Variants in CFAP44 observed in about 807,000 individuals in gnomAD.
CFAP44 encodes cilia- and flagella-associated protein 44.
In CFAP44, 134 loss-of-function variants were observed where a neutral mutation model predicts 216.2. That is an observed-to-expected ratio of 0.62 (90% CI 0.54 to 0.72). The LOEUF (loss-of-function observed/expected upper bound fraction) is 0.72. Ranked by LOEUF, CFAP44 falls within the 30% of genes least tolerant of loss-of-function variation. The pLI, the probability that CFAP44 is intolerant of heterozygous loss-of-function variation, is 0.00. For missense variants in CFAP44, 2,035 were observed against 2,182.1 expected, an observed-to-expected ratio of 0.93 and a Z score of 1.34; for synonymous variants, 700 against 727.6, an observed-to-expected ratio of 0.96 and a Z score of 0.61.
rs924710708 is a variant in CFAP44 at position 113,399,914 on chromosome 3, G to T, written c.1561C>A (p.Pro521Thr). ...TATAACAACAAACTTACCATTCGGGGTACCCAAACAAGGGCAGTACCTCCT... is the reference window on the plus strand; with the variant it reads ...TATAACAACAAACTTACCATTCGGGTTACCCAAACAAGGGCAGTACCTCCT... ...KQGGTALVWV[P>T]RMVNFTGAQI... The change falls in exon 13 of 35, where the codon CCC becomes ACC. Residue 521 changes from proline to threonine, a missense_variant. Coordinates refer to ENST00000393845, the MANE Select transcript of CFAP44 (RefSeq NM_001164496.2). The T allele has an allele frequency of 8.9e-6, 14 of 1,579,400 alleles. No individual in the cohort carries two copies. Among genetic ancestry groups the T allele is most frequent in the Non-Finnish European group, 1.1e-5 (13 of 1,166,868 alleles).
In CFAP44 at chr3:113,353,089, C is replaced by T. The variant is rs145505315; in HGVS notation, c.3065+5656G>A. ...GAACCCTGACTCAAAGGAGGATGGG[C>T]AAGTGGGTCCCAGAGCTGTGGGCAC... On this transcript the variant is annotated intron_variant, in intron 22 of 34. Transcript: ENST00000393845. Among the ~76,000 whole-genome samples the T allele has an allele frequency of 4.6e-3, 707 of 152,202 alleles. 3 individuals are homozygous for T. The highest frequency in any genetic ancestry group is 0.012 in the Admixed American group (180 of 15,302).
At chr3:113,368,402 C>G (rs967274171) in intron 18 of CFAP44, among the ~76,000 whole-genome samples, 1 of 152,206 alleles carries the variant, frequency 6.6e-6, no homozygotes, top group Non-Finnish European at 1.5e-5. Context: ...TCGGCAGAAA[C>G]CCTACAAGCC....
intron 7 of CFAP44, among the ~76,000 whole-genome samples, chr3:113,407,945 CA>C (rs1184641712): frequency 1.3e-5 from 2 of 152,010 alleles, no homozygotes; most frequent in African/African-American, 4.8e-5. Context: ...GCCTTTTCCC[CA>C]AAGATATGGG....
intron 3 of CFAP44, chr3:113,426,699 C>A: frequency 5.4e-6 from 1 of 186,782 alleles, no homozygotes; most frequent in South Asian, 1.3e-4. Context: ...CTGGTGAATC[C>A]AAAATTGTAT....
chr3:113,388,722 A>T (rs939339043), intron 15 of CFAP44, among the ~76,000 whole-genome samples: 2 of 152,348 alleles, frequency 1.3e-5, no homozygotes, highest in Admixed American at 6.5e-5. Flanking sequence ...AACAGAAATC[A>T]AAATAGAGTA....
At chr3:113,353,502 CTT>C (rs2107830254) in intron 22 of CFAP44, among the ~76,000 whole-genome samples, 1 of 142,560 alleles carries the variant, frequency 7.0e-6, no homozygotes, top group East Asian at 2.3e-4. Context: ...ACACACAAAA[CTT>C]ATATATACTG....
chr3:113,407,675 A>C (rs1470337134), intron 7 of CFAP44, among the ~76,000 whole-genome samples: 1 of 152,228 alleles, frequency 6.6e-6, no homozygotes, highest in Admixed American at 6.5e-5. Context: ...CAAAGCAATC[A>C]ATAAATGTTA....
At chr3:113,316,714 T>C (rs7632821) in intron 28 of CFAP44, among the ~76,000 whole-genome samples, 50,802 of 151,460 alleles carry the variant, frequency 0.34, 8,923 homozygotes, top group East Asian at 0.56. Context: ...ACTAAAAATA[T>C]AAAAATTAGC....
chr3:113,328,993 C>T (rs1168271290), intron 26 of CFAP44, among the ~76,000 whole-genome samples: 2 of 152,086 alleles, frequency 1.3e-5, no homozygotes, highest in Non-Finnish European at 2.9e-5. Flanking sequence ...GCATACAGAA[C>T]ATCCAATAAA....
intron 23 of CFAP44, among the ~76,000 whole-genome samples, chr3:113,342,691 T>A (rs1324440338): frequency 1.3e-5 from 2 of 152,096 alleles, no homozygotes; most frequent in East Asian, 3.9e-4. Context: ...ATAAATAATT[T>A]AAAAATTATT....
chr3:113,292,077 G>T (rs911975102), intron 34 of CFAP44, among the ~76,000 whole-genome samples: 2 of 152,110 alleles, frequency 1.3e-5, no homozygotes, highest in African/African-American at 4.8e-5. Context: ...CCATATTTGG[G>T]TTCCCAGAAT....
chr3:113,326,532 C>T lies in CFAP44; in HGVS notation c.4429G>A (p.Glu1477Lys). 6.5e-7 allele frequency: 1 copy of T among 1,531,952 alleles called. No individual in the cohort carries two copies. The allele number at this position is 1,531,952 out of a possible 1,614,324, so 94.9% of individuals were successfully genotyped here. The change falls in exon 28 of 35, where the codon GAA (glutamate) becomes AAA (lysine). Residue 1477 changes from glutamate (E) to lysine (K), a missense_variant. Physicochemically the swap from Glu to Lys is moderately conservative, Grantham distance 56. This residue lies in a region of CFAP44 where 1,883 missense variants were observed against 2,023.7 expected (regional missense o/e 0.93). Coordinates refer to ENST00000393845, the MANE Select transcript of CFAP44 (RefSeq NM_001164496.2). The part of the protein sequence containing the change: ...LYAGFQAAIG[E>K]NNKFANFLMK... Reference sequence around the variant, plus strand: ...AGGAAGTTTGCAAATTTATTGTTTTCTCCAATGGCTGCTTGAAAACCAGCA... The same window carrying T: ...AGGAAGTTTGCAAATTTATTGTTTTTTCCAATGGCTGCTTGAAAACCAGCA...
Position 113,344,706 on chromosome 3 carries a change from T to C in CFAP44, c.3072A>G (p.Arg1024=). 1 of 1,492,390 alleles carries C rather than the reference T, an allele frequency of 6.7e-7. No homozygotes were observed. 92.4% of individuals were successfully genotyped at this position (1,492,390 alleles called of 1,614,324 possible). A position where few individuals can be genotyped will look rare whatever the true frequency, so the allele number is the denominator to read the frequency against. Reference sequence around the variant, plus strand: ...CAATAGTATCACTTTCCAGTGGATCTCGAAATCTGAAAAAATAAAACAAGT... The same window carrying C: ...CAATAGTATCACTTTCCAGTGGATCCCGAAATCTGAAAAAATAAAACAAGT... ...LGLMKLKNRF[R]DPLESDTIVV... is the part of the protein sequence containing the mutation. Residue 1024 remains arginine, a synonymous_variant, in exon 23 of 35, where the codon CGA becomes CGG. Transcript: ENST00000393845.
chr3:113,356,833 A>G (rs543155226), intron 22 of CFAP44, among the ~76,000 whole-genome samples: 6 of 152,312 alleles, frequency 3.9e-5, no homozygotes, highest in African/African-American at 1.4e-4. Flanking sequence ...AAAAACTTCT[A>G]TTCAACAAAC....
At chr3:113,320,377 G>A (rs1341117373) in intron 28 of CFAP44, among the ~76,000 whole-genome samples, 1 of 140,282 alleles carries the variant, frequency 7.1e-6, no homozygotes, top group Non-Finnish European at 1.6e-5. Flanking sequence ...CCAGGGCTGT[G>A]GTGCACAGCT....
At chr3:113,392,196 C>T (rs959017005) in intron 15 of CFAP44, among the ~76,000 whole-genome samples, 3 of 152,222 alleles carry the variant, frequency 2.0e-5, no homozygotes, top group East Asian at 1.9e-4. Flanking sequence ...AGTACATATA[C>T]ACAATGTGTA....
At chr3:113,380,751 TA>T (rs200091032) in intron 16 of CFAP44, 147 bp downstream of exon 16, 10,491 of 604,382 alleles carry the variant, frequency 0.017, 170 homozygotes, top group African/African-American at 0.046. Context: ...TGCCTTCTAA[TA>T]GCTGCTTTCC....
chr3:113,415,014 C>T (rs1308929164), intron 6 of CFAP44, among the ~76,000 whole-genome samples: 1 of 151,884 alleles, frequency 6.6e-6, no homozygotes, highest in Admixed American at 6.6e-5. Context: ...GGTTGGTAGG[C>T]TATTAATTAC....
intron 1 of CFAP44, among the ~76,000 whole-genome samples, chr3:113,440,077 G>A (rs1204958519): frequency 6.6e-6 from 1 of 152,066 alleles, no homozygotes; most frequent in Non-Finnish European, 1.5e-5. Context: ...ATGTATTTAT[G>A]TATTGAGATG....
Sources: allele counts gnomAD v4.1 joint callset (sites outside exome capture counted in the v4.1 genomes callset), GRCh38; gene constraint gnomAD v4.1.1; regional missense constraint gnomAD v4.1.1; transcripts MANE v1.5; gene names NCBI Gene and HGNC (gene_info 2026-07-23, HGNC 2026-07-21).